The following BTC variants were observed in gnomAD, a reference collection of about 807,000 sequenced individuals.
The protein encoded by BTC is betacellulin, also known as probetacellulin.
A neutral mutation model predicts 18.1 loss-of-function variants in BTC; 13 were observed. That is an observed-to-expected ratio of 0.72 (90% CI 0.47 to 1.14). The LOEUF (loss-of-function observed/expected upper bound fraction) is 1.14. Ranked by LOEUF, BTC falls within the 50% of genes most tolerant of loss-of-function variation. The pLI is 0.00. For synonymous variants in BTC, 83 were observed against 79.4 expected, an observed-to-expected ratio of 1.05 and a Z score of -0.24; for missense variants, 247 against 224.2, an observed-to-expected ratio of 1.10 and a Z score of -0.65.
chr4:74,770,858 T>A (rs900182044), intron 1 of BTC, among the ~76,000 whole-genome samples: 1 of 151,704 alleles, frequency 6.6e-6, no homozygotes, highest in Non-Finnish European at 1.5e-5. Flanking sequence ...TTATAGATAT[T>A]TTAAAGTATG....
Position 74,746,692 on chromosome 4 carries a change from T to C in BTC, c.*2-17A>G, listed in dbSNP as rs531291353. 4 of 152,676 alleles carry C rather than the reference T, an allele frequency of 2.6e-5. No individual in the cohort carries two copies. Among genetic ancestry groups the C allele is most frequent in the African/African-American group, 9.6e-5 (4 of 41,534 alleles). 9.5% of individuals were successfully genotyped at this position (152,676 alleles called of 1,614,324 possible). Reference sequence around the variant, plus strand: ...TCATAGCCTCTGAGAATGAAGAAAATAACAGCACATCACTTAAAAGAAATG... The same window carrying C: ...TCATAGCCTCTGAGAATGAAGAAAACAACAGCACATCACTTAAAAGAAATG... On this transcript the variant is annotated splice_polypyrimidine_tract_variant and intron_variant, in intron 5 of 5. Transcript: ENST00000395743.
chr4:74,785,706 C>T (rs903452159), intron 1 of BTC, among the ~76,000 whole-genome samples: 2 of 152,168 alleles, frequency 1.3e-5, no homozygotes, highest in Non-Finnish European at 2.9e-5. Flanking sequence ...ACCCTTTACC[C>T]ACTTTCAGCT....
At chr4:74,764,141 A>C (rs1322505947) in intron 2 of BTC, among the ~76,000 whole-genome samples, 1 of 152,150 alleles carries the variant, frequency 6.6e-6, no homozygotes, top group Non-Finnish European at 1.5e-5. Flanking sequence ...AAAAATAACT[A>C]CTTCCTCAGT....
At chr4:74,761,315 C>T (rs1724751520) in intron 2 of BTC, among the ~76,000 whole-genome samples, 7 of 152,144 alleles carry the variant, frequency 4.6e-5, no homozygotes, top group Admixed American at 4.6e-4. Flanking sequence ...CCTTTGCAGG[C>T]TCCTCCTCGC....
chr4:74,762,247 T>G (rs1724779387), intron 2 of BTC, among the ~76,000 whole-genome samples: 1 of 152,234 alleles, frequency 6.6e-6, no homozygotes, highest in Non-Finnish European at 1.5e-5. Flanking sequence ...CCCATGTGAT[T>G]CTAAGCAGTT....
At chr4:74,781,384 C>CGTGTGTGTGTGT (rs139134613) in intron 1 of BTC, among the ~76,000 whole-genome samples, 30 of 126,536 alleles carry the variant, frequency 2.4e-4, no homozygotes, top group Middle Eastern at 4.3e-3. Flanking sequence ...TCTCTCGTCA[C>CGTGTGTGTGTGT]GTGTGTGTGT....
chr4:74,751,256 G>C (rs1233259795), intron 3 of BTC, among the ~76,000 whole-genome samples: 1 of 152,120 alleles, frequency 6.6e-6, no homozygotes, highest in African/African-American at 2.4e-5. Context: ...TATTTCTACA[G>C]AATTTCTTTC....
At chr4:74,786,938 G>A (rs892135678) in intron 1 of BTC, among the ~76,000 whole-genome samples, 2 of 151,888 alleles carry the variant, frequency 1.3e-5, no homozygotes, top group Non-Finnish European at 2.9e-5. Context: ...CCTGAATCTG[G>A]GCTCAGTGTT....
Position 74,755,839 on chromosome 4 carries a change from G to C in BTC, c.281+20C>G. 6.2e-7 allele frequency: 1 copy of C among 1,609,342 alleles called. No individual in the cohort carries two copies. The highest frequency in any genetic ancestry group is 8.5e-7 in the Non-Finnish European group (1 of 1,175,974). On this transcript the variant is annotated intron_variant, in intron 3 of 5. Transcript: ENST00000395743. Reference sequence around the variant, plus strand: ...CCATTCTGCACCCTTTTGCTTGCTGGCTGAGGACACTCCACTTACACACAG... The same window carrying C: ...CCATTCTGCACCCTTTTGCTTGCTGCCTGAGGACACTCCACTTACACACAG...
intron 1 of BTC, among the ~76,000 whole-genome samples, chr4:74,781,025 T>A (rs1468245965): frequency 6.6e-6 from 1 of 152,008 alleles, no homozygotes; most frequent in Non-Finnish European, 1.5e-5. Context: ...AGTAATATCA[T>A]CCTGTACTCA....
chr4:74,774,599 A>AAAG (rs201190238), intron 1 of BTC, among the ~76,000 whole-genome samples: 423 of 152,190 alleles, frequency 2.8e-3, no homozygotes, highest in African/African-American at 9.5e-3. Context: ...TTTAAAAAAA[A>AAAG]AAAAGGAACA....
chr4:74,788,480 T>C, intron 1 of BTC, among the ~76,000 whole-genome samples: 1 of 152,222 alleles, frequency 6.6e-6, no homozygotes, highest in Non-Finnish European at 1.5e-5. Flanking sequence ...TTATACAATG[T>C]TTCATTTGGA....
intron 2 of BTC, among the ~76,000 whole-genome samples, chr4:74,758,691 G>GA (rs1553957000): frequency 2.0e-5 from 3 of 152,158 alleles, no homozygotes; most frequent in Non-Finnish European, 2.9e-5. Context: ...AGCAGCTGCT[G>GA]AATGCAGTGA....
At chr4:74,757,566 A>C (rs183887492) in intron 2 of BTC, among the ~76,000 whole-genome samples, 265 of 152,376 alleles carry the variant, frequency 1.7e-3, no homozygotes, top group African/African-American at 5.9e-3. Flanking sequence ...CCATTCGTTG[A>C]GTGTTTCCAT....
intron 1 of BTC, among the ~76,000 whole-genome samples, chr4:74,792,658 T>G (rs1180690225): frequency 6.6e-6 from 1 of 152,258 alleles, no homozygotes; most frequent in African/African-American, 2.4e-5. Flanking sequence ...TCTCAGAAAT[T>G]CTACTCTTTC....
At chr4:74,777,961 C>T (rs1725219975) in intron 1 of BTC, among the ~76,000 whole-genome samples, 1 of 151,484 alleles carries the variant, frequency 6.6e-6, no homozygotes, top group African/African-American at 2.4e-5. Flanking sequence ...AGGAAGAAAA[C>T]AGAATCTTAA....
At position 74,746,253 on chromosome 4, in the gene BTC, T is replaced by C. The variant is rs1724284987; in HGVS notation, c.*424A>G. 6.6e-6 allele frequency: 1 copy of C among 152,232 alleles called. No individual in the cohort carries two copies. Among genetic ancestry groups the C allele is most frequent in the African/African-American group, 2.4e-5 (1 of 41,464 alleles). 9.4% of individuals were successfully genotyped at this position (152,232 alleles called of 1,614,324 possible). A position where few individuals can be genotyped will look rare whatever the true frequency, so the allele number is the denominator to read the frequency against. ...TGTAGGAAATGAGGATTATAATAGC[T>C]ATCTCATGGATTGCTGAAAGGAATA... is the stretch of plus-strand genomic sequence containing the variant. On this transcript the variant is annotated 3_prime_UTR_variant, in exon 6 of 6. Transcript: ENST00000395743.
chr4:74,750,589 C>T lies in BTC; in HGVS notation c.412G>A (p.Val138Ile). 6.2e-7 allele frequency: 1 copy of T among 1,613,066 alleles called. No individual in the cohort carries two copies. Among genetic ancestry groups the T allele is most frequent in the South Asian group, 1.1e-5 (1 of 90,826 alleles). The change falls in exon 4 of 6, where the codon GTC becomes ATC. Residue 138 changes from valine (V) to isoleucine (I), a missense_variant. Val to Ile is a conservative substitution (Grantham distance 29, BLOSUM62 3). Transcript: ENST00000395743. ...AATACTTACTGACAGCATGTGCAGA[C>T]ACCGATGACCAAAATAATAAAAACT... ...MVVFIILVIG[V>I]CTCCHPLRKR... is the part of the protein sequence containing the mutation.
At chr4:74,791,984 C>CAT (rs1560728261) in intron 1 of BTC, among the ~76,000 whole-genome samples, 1 of 147,432 alleles carries the variant, frequency 6.8e-6, no homozygotes, top group Non-Finnish European at 1.5e-5. Flanking sequence ...CACACACACA[C>CAT]ACACACACAC....
Sources: allele counts gnomAD v4.1 joint callset (sites outside exome capture counted in the v4.1 genomes callset), GRCh38; gene constraint gnomAD v4.1.1; transcripts MANE v1.5; gene names NCBI Gene and HGNC (gene_info 2026-07-23, HGNC 2026-07-21).